The following RELN variants were observed in gnomAD, a reference collection of about 807,000 sequenced individuals.
RELN encodes the protein reelin.
A neutral mutation model predicts 427.6 loss-of-function variants in RELN; 108 were observed. The observed-to-expected ratio is 0.25, with a 90% CI of 0.22 to 0.30. The LOEUF (loss-of-function observed/expected upper bound fraction) is 0.30. RELN is among the 10% of genes least tolerant of loss of function. The pLI is 1.00. For synonymous variants in RELN, 1,524 were observed against 1,513.4 expected (o/e 1.01, Z -0.16); for missense variants, 3,715 against 4,302.8 (o/e 0.86, Z 3.82).
intron 13 of RELN, 119 bp from the exon 14 acceptor site, chr7:103,652,878 A>G (rs1209334978): frequency 9.5e-6 from 8 of 842,508 alleles, no homozygotes; most frequent in Non-Finnish European, 1.6e-5. Flanking sequence ...AAGCACCAGG[A>G]CACGTCCTTT....
At chr7:103,820,956 CTTTTA>C (rs1480717293) in intron 3 of RELN, among the ~76,000 whole-genome samples, 1 of 151,880 alleles carries the variant, frequency 6.6e-6, no homozygotes, top group Non-Finnish European at 1.5e-5. Flanking sequence ...ATGTTTTATT[CTTTTA>C]TTTTTTAGTG....
At chr7:103,971,844 G>T (rs1045223054) in intron 1 of RELN, among the ~76,000 whole-genome samples, 1 of 135,266 alleles carries the variant, frequency 7.4e-6, no homozygotes, top group Admixed American at 7.4e-5. Flanking sequence ...AAGCTGAAGC[G>T]GGAGGATCAT....
At chr7:103,702,301 G>C (rs1834110415) in intron 8 of RELN, among the ~76,000 whole-genome samples, 2 of 152,206 alleles carry the variant, frequency 1.3e-5, no homozygotes, top group African/African-American at 4.8e-5. Context: ...CAAAGAATCT[G>C]TGATTTAGAA....
chr7:103,851,986 T>C (rs1035741554), intron 2 of RELN, among the ~76,000 whole-genome samples: 1 of 152,202 alleles, frequency 6.6e-6, no homozygotes, highest in African/African-American at 2.4e-5. Context: ...ATAGTTAGAC[T>C]GCTGAGTCCC....
In RELN at chr7:103,620,550, T is replaced by G. The variant is rs1344594516; in HGVS notation, c.2703-8747A>C. ...TAACAGTGGCACGATCTTGGCTCACTGCAGCCTCTGCCTCCTGGGTTCAAA... is the reference window on the plus strand; with the variant it reads ...TAACAGTGGCACGATCTTGGCTCACGGCAGCCTCTGCCTCCTGGGTTCAAA... On this transcript the variant is annotated intron_variant, in intron 20 of 64. Coordinates refer to ENST00000428762, the MANE Select transcript of RELN (RefSeq NM_005045.4). This position sits in a 1 kb window ranked among gnomAD's most constrained non-coding sequence, Gnocchi z 4.1. Among the ~76,000 whole-genome samples the G allele has an allele frequency of 6.6e-6, 1 of 151,700 alleles. No homozygotes were observed. Among genetic ancestry groups the G allele is most frequent in the African/African-American group, 2.4e-5 (1 of 41,290 alleles).
intron 2 of RELN, among the ~76,000 whole-genome samples, chr7:103,873,182 A>G (rs1794393190): frequency 8.7e-5 from 13 of 148,832 alleles, no homozygotes; most frequent in Admixed American, 1.3e-4. Context: ...AACATACCAG[A>G]ATCTCTGGGA....
At chr7:103,609,644 A>C (rs362690) in intron 22 of RELN, among the ~76,000 whole-genome samples, 1,616 of 152,322 alleles carry the variant, frequency 0.011, 38 homozygotes, top group African/African-American at 0.036. Context: ...ATAATCAAAT[A>C]GGCATTTTTA....
chr7:103,672,078 A>G (rs1833404995), intron 11 of RELN, among the ~76,000 whole-genome samples: 1 of 152,174 alleles, frequency 6.6e-6, no homozygotes, highest in South Asian at 2.1e-4. Flanking sequence ...ATTTGTGGAA[A>G]ATAAGATGCT....
chr7:103,948,680 A>G (rs1442551071), intron 1 of RELN, among the ~76,000 whole-genome samples: 1 of 152,106 alleles, frequency 6.6e-6, no homozygotes, highest in East Asian at 1.9e-4. Flanking sequence ...TCAAATAATA[A>G]TAAATTTGGG....
chr7:103,566,073 A>G, intron 33 of RELN, 151 bp downstream of exon 33: 1 of 690,042 alleles, frequency 1.4e-6, no homozygotes, highest in Non-Finnish European at 2.5e-6. Context: ...AAGTTGTCTT[A>G]GCACAATAAA....
intron 4 of RELN, among the ~76,000 whole-genome samples, chr7:103,764,917 C>T (rs374039716): frequency 1.3e-5 from 2 of 151,406 alleles, no homozygotes; most frequent in South Asian, 2.1e-4. Context: ...TTAGGGAAAC[C>T]GAGAAAGAAA....
chr7:103,522,122 T>C lies in RELN; in HGVS notation c.7568A>G (p.Asn2523Ser), dbSNP rs561828305. 89 of 1,614,118 alleles carry C rather than the reference T, an allele frequency of 5.5e-5. No homozygotes were observed. In the East Asian group the frequency reaches 1.1e-3, roughly 20 times the overall value. Reference protein sequence around the residue: ...SLPTQLKDNFNRAPSSQNWLT... With the variant: ...SLPTQLKDNFSRAPSSQNWLT... ...CCAGTTCTGACTGGATGGAGCTCGA[T>C]TGAAGTTGTCTTTGAGTTGGGTTGG... The change falls in exon 48 of 65, where the codon AAT (asparagine) becomes AGT (serine). Residue 2523 changes from asparagine (N) to serine (S), a missense_variant. Physicochemically the swap from Asn to Ser is conservative, Grantham distance 46. Coordinates refer to ENST00000428762, the MANE Select transcript of RELN (RefSeq NM_005045.4).
chr7:103,706,177 T>C (rs1834195411), intron 8 of RELN, among the ~76,000 whole-genome samples: 1 of 151,896 alleles, frequency 6.6e-6, no homozygotes, highest in Non-Finnish European at 1.5e-5. Flanking sequence ...GTTAGCATCA[T>C]TGGTAAATAT....
chr7:103,566,100 G>T, intron 33 of RELN, 124 bp downstream of exon 33: 1 of 837,258 alleles, frequency 1.2e-6, no homozygotes, highest in South Asian at 1.5e-5. Flanking sequence ...TTTTCACTGA[G>T]AGCCACCCTC....
At chr7:103,723,369 G>A (rs1367603062) in intron 7 of RELN, among the ~76,000 whole-genome samples, 178 bp from the exon 8 acceptor site, 4 of 152,132 alleles carry the variant, frequency 2.6e-5, no homozygotes, top group Non-Finnish European at 5.9e-5. Context: ...ACACAGACCT[G>A]TTTCTTCTTC....
chr7:103,723,051 A>C (rs1393992004), intron 8 of RELN, 89 bp downstream of exon 8: 1 of 797,018 alleles, frequency 1.3e-6, no homozygotes, highest in East Asian at 2.5e-5. Flanking sequence ...GTAAATCCAA[A>C]AGCATCTGGC....
At chr7:103,684,128 G>A (rs139307453) in intron 10 of RELN, among the ~76,000 whole-genome samples, 107 of 152,276 alleles carry the variant, frequency 7.0e-4, no homozygotes, top group African/African-American at 2.5e-3. Context: ...AGCAACGGGT[G>A]TACTGAGTCT....
At chr7:103,744,883 G>C (rs1562986756) in intron 6 of RELN, among the ~76,000 whole-genome samples, 1 of 152,068 alleles carries the variant, frequency 6.6e-6, no homozygotes, top group African/African-American at 2.4e-5. Context: ...CCAATCAATA[G>C]AAAAAGAGGG....
chr7:103,845,664 C>A (rs905840484), intron 2 of RELN, among the ~76,000 whole-genome samples: 1 of 152,118 alleles, frequency 6.6e-6, no homozygotes, highest in African/African-American at 2.4e-5. Flanking sequence ...GATGTAATAT[C>A]ATTAAAGTCT....
Sources: gnomAD v4.1 joint callset for allele counts (sites outside exome capture counted in the v4.1 genomes callset) on GRCh38, gnomAD v4.1.1 for gene constraint, Gnocchi (gnomAD v3.1) non-coding constraint, MANE v1.5 for transcripts, NCBI Gene and HGNC (gene_info 2026-07-23, HGNC 2026-07-21) for gene names.